Variants in OR1B1 observed in about 807,000 individuals in gnomAD.
OR1B1 encodes the protein olfactory receptor 1B1.
For missense variants in OR1B1, 414 were observed against 402.1 expected (o/e 1.03, Z -0.25); for synonymous variants, 168 against 156.2 (o/e 1.08, Z -0.57).
At chr9:122,650,852 T>C in the OR1B1 span, among the ~76,000 whole-genome samples, 12 of 151,198 alleles carry the variant, frequency 7.9e-5, no homozygotes, top group Non-Finnish European at 1.8e-4. Flanking sequence ...TGAAACCCCA[T>C]CTCTACTAAA....
At chr9:122,653,704 A>G in the OR1B1 span, among the ~76,000 whole-genome samples, 3 of 152,154 alleles carry the variant, frequency 2.0e-5, no homozygotes, top group Non-Finnish European at 4.4e-5. Context: ...CCAACTTCAC[A>G]ATATTTCCCT....
At chr9:122,630,140 C>T (rs988545525), upstream of OR1B1, among the ~76,000 whole-genome samples, 1 of 152,090 alleles carries the variant, frequency 6.6e-6, no homozygotes, top group Non-Finnish European at 1.5e-5. Flanking sequence ...GCAATTAGAC[C>T]AATGAAAGAA....
At chr9:122,639,790 G>T in the OR1B1 span, 3 of 147,760 alleles carry the variant, frequency 2.0e-5, no homozygotes, top group Non-Finnish European at 3.0e-5. Context: ...TATTTATATT[G>T]AAATTATTCA....
upstream of OR1B1, among the ~76,000 whole-genome samples, chr9:122,632,104 A>AGAT (rs903274776): frequency 6.6e-6 from 1 of 152,198 alleles, no homozygotes; most frequent in Non-Finnish European, 1.5e-5. Context: ...AATCCACCAA[A>AGAT]GATGAGCTCA....
chr9:122,641,580 C>T, the OR1B1 span, among the ~76,000 whole-genome samples: 1 of 152,118 alleles, frequency 6.6e-6, no homozygotes, highest in Non-Finnish European at 1.5e-5. Context: ...CCCATGGAAG[C>T]AGAGAATAGA....
At chr9:122,654,860 A>G in the OR1B1 span, among the ~76,000 whole-genome samples, 1 of 152,224 alleles carries the variant, frequency 6.6e-6, no homozygotes, top group African/African-American at 2.4e-5. Flanking sequence ...CCCCCTTTGT[A>G]AGGCTAAATA....
upstream of OR1B1, among the ~76,000 whole-genome samples, chr9:122,631,022 G>C: frequency 6.6e-6 from 1 of 151,126 alleles, no homozygotes; most frequent in East Asian, 2.0e-4. Context: ...TTTTAAACTA[G>C]ACATTTTTTC....
At chr9:122,650,461 A>G in the OR1B1 span, among the ~76,000 whole-genome samples, 1 of 151,738 alleles carries the variant, frequency 6.6e-6, no homozygotes, top group African/African-American at 2.4e-5. Context: ...ACACACTTAT[A>G]AGGTATTTTA....
chr9:122,651,804 T>C, the OR1B1 span, among the ~76,000 whole-genome samples: 1 of 152,210 alleles, frequency 6.6e-6, no homozygotes, highest in Non-Finnish European at 1.5e-5. Flanking sequence ...CAGATATATG[T>C]ACATCAGGGC....
upstream of OR1B1, chr9:122,629,673 T>G: frequency 1.7e-6 from 1 of 590,798 alleles, no homozygotes; most frequent in Non-Finnish European, 3.0e-6. Flanking sequence ...AACTTGACCA[T>G]CTACTCTCCC....
the OR1B1 span, among the ~76,000 whole-genome samples, chr9:122,639,020 G>A: frequency 6.6e-6 from 1 of 152,114 alleles, no homozygotes; most frequent in Admixed American, 6.5e-5. Flanking sequence ...CTGCTTGCCT[G>A]CTTACTCACT....
chr9:122,645,890 AAC>A, the OR1B1 span, among the ~76,000 whole-genome samples: 1 of 152,156 alleles, frequency 6.6e-6, no homozygotes. Flanking sequence ...CCTAGGAAAA[AAC>A]ACAGATTAGT....
chr9:122,630,110 T>C (rs1830190679), upstream of OR1B1, among the ~76,000 whole-genome samples: 1 of 152,172 alleles, frequency 6.6e-6, no homozygotes, highest in Non-Finnish European at 1.5e-5. Flanking sequence ...TTCAACATAG[T>C]AATAGAAGTT....
At chr9:122,637,974 G>T in the OR1B1 span, among the ~76,000 whole-genome samples, 4 of 152,132 alleles carry the variant, frequency 2.6e-5, no homozygotes, top group Non-Finnish European at 5.9e-5. Context: ...ATTTTAACTT[G>T]TGTTTCATTC....
chr9:122,629,578 G>A (rs1588242119), upstream of OR1B1: 1 of 1,240,330 alleles, frequency 8.1e-7, no homozygotes, highest in Middle Eastern at 1.9e-4. Context: ...AAGTCAAAAA[G>A]AAAGTCATGG....
At chr9:122,628,813 G>A in exon 1 of OR1B1, 1 of 1,614,090 alleles carries the variant, frequency 6.2e-7, no homozygotes, top group South Asian at 1.1e-5. Flanking sequence ...AGACTGCTCG[G>A]CGGCGACCAG....
chr9:122,645,314 C>A, the OR1B1 span, among the ~76,000 whole-genome samples: 6,433 of 151,824 alleles, frequency 0.042, 437 homozygotes, highest in African/African-American at 0.15. Flanking sequence ...GGACCAGTTA[C>A]AGAGTTTTGC....
the OR1B1 span, among the ~76,000 whole-genome samples, chr9:122,657,024 ATTT>A: frequency 6.6e-6 from 1 of 151,710 alleles, no homozygotes; most frequent in Non-Finnish European, 1.5e-5. Flanking sequence ...TTCTAGTTTA[ATTT>A]TTTTTCATTT....
chr9:122,628,981 A>G (rs772808811), exon 1 of OR1B1: 1 of 1,614,008 alleles, frequency 6.2e-7, no homozygotes, highest in Non-Finnish European at 8.5e-7. Flanking sequence ...GCCGGTGGTC[A>G]CAAAAGAAGT....
Sources: gnomAD v4.1 joint callset for allele counts (sites outside exome capture counted in the v4.1 genomes callset) on GRCh38, gnomAD v4.1.1 for gene constraint, MANE v1.5 for transcripts, NCBI Gene and HGNC (gene_info 2026-07-23, HGNC 2026-07-21) for gene names.